Variants in TRIM37 observed in about 807,000 individuals in gnomAD.
The protein encoded by TRIM37 is tripartite motif containing 37, also known as E3 ubiquitin-protein ligase TRIM37.
In TRIM37, 80 loss-of-function variants were observed where a neutral mutation model predicts 129.8. The observed-to-expected ratio is 0.62, with a 90% CI of 0.51 to 0.74. The LOEUF (loss-of-function observed/expected upper bound fraction) is 0.74. TRIM37 is among the 30% of genes least tolerant of loss of function. TRIM37 has a pLI of 0.00. For synonymous variants in TRIM37, 389 were observed against 387.1 expected (o/e 1.00, Z -0.06); for missense variants, 1,054 against 1,176.5 (o/e 0.90, Z 1.52).
intron 4 of TRIM37, chr17:59,088,005 T>C (rs923286502): frequency 5.3e-6 from 3 of 569,618 alleles, no homozygotes; most frequent in Admixed American, 3.2e-5. Context: ...ACAGAAATCA[T>C]GTCTCATTTA....
chr17:58,979,304 A>G (rs1001740900), downstream of TRIM37, among the ~76,000 whole-genome samples: 2 of 152,204 alleles, frequency 1.3e-5, no homozygotes, highest in Middle Eastern at 3.2e-3. Flanking sequence ...AAGCACCACT[A>G]AAAAATAGAA....
chr17:59,012,230 C>CAGCAGCAGCAGCAG (rs11280877), intron 22 of TRIM37, 98 bp downstream of exon 22: 36 of 383,280 alleles, frequency 9.4e-5, no homozygotes, highest in African/African-American at 3.5e-4. Context: ...AGCAGCAGCA[C>CAGCAGCAGCAGCAG]CACCACCACC....
chr17:59,079,740 A>G lies in TRIM37; in HGVS notation c.616+14T>C. On this transcript the variant is annotated intron_variant, in intron 7 of 23. Transcript: ENST00000262294. ...AAAGCACCAGGTACCCCAGCAGCAT[A>G]CATAAACACTTACCCATCAGTGTTA... is the stretch of plus-strand genomic sequence containing the variant. The G allele has an allele frequency of 6.2e-7, 1 of 1,613,814 alleles. No individual in the cohort carries two copies.
the TRIM37 span, among the ~76,000 whole-genome samples, chr17:58,973,400 G>A: frequency 2.1e-5 from 3 of 144,350 alleles, no homozygotes; most frequent in Non-Finnish European, 3.0e-5. Flanking sequence ...CTGGGTGACA[G>A]TGTGAGACTG....
At chr17:58,978,610 C>T (rs1476736051), downstream of TRIM37, among the ~76,000 whole-genome samples, 2 of 152,092 alleles carry the variant, frequency 1.3e-5, no homozygotes, top group East Asian at 1.9e-4. Context: ...ACTCCGGAGG[C>T]GGAGGCAGGA....
chr17:59,084,828 G>T (rs2043611594), intron 4 of TRIM37, among the ~76,000 whole-genome samples: 1 of 152,158 alleles, frequency 6.6e-6, no homozygotes, highest in Admixed American at 6.5e-5. Flanking sequence ...TGTGAGGACA[G>T]AGCTAGGTGG....
At position 59,106,394 on chromosome 17, in the gene TRIM37, C is replaced by G. The variant is rs745598687; in HGVS notation, c.21+47G>C. ...CACGACTCCCCGAATAAAAACCGCT[C>G]ATCGGGTGGGGGCGGGGACTAACCA... On this transcript the variant is annotated intron_variant, in intron 1 of 23. Coordinates refer to ENST00000262294, the MANE Select transcript of TRIM37 (RefSeq NM_015294.6). 1.9e-6 allele frequency: 3 copies of G among 1,613,164 alleles called. No individual in the cohort carries two copies. In the East Asian group the frequency reaches 6.7e-5, roughly 36 times the overall value.
intron 2 of TRIM37, among the ~76,000 whole-genome samples, chr17:59,091,606 T>A (rs1599514784): frequency 1.3e-5 from 1 of 74,236 alleles, no homozygotes; most frequent in East Asian, 2.9e-4. Flanking sequence ...ATTATATATA[T>A]AATATATATA....
intron 2 of TRIM37, among the ~76,000 whole-genome samples, chr17:59,104,038 A>C (rs1055108171): frequency 3.3e-5 from 5 of 152,188 alleles, no homozygotes; most frequent in Non-Finnish European, 1.5e-5. Flanking sequence ...TCTGAGCCCC[A>C]CAGCACTTCT....
chr17:59,013,825 G>A (rs2035584954), intron 21 of TRIM37, among the ~76,000 whole-genome samples: 1 of 151,998 alleles, frequency 6.6e-6, no homozygotes, highest in Non-Finnish European at 1.5e-5. Flanking sequence ...ACTGTGCCCA[G>A]CCTTTCATTA....
chr17:58,968,307 C>G, the TRIM37 span, among the ~76,000 whole-genome samples: 1 of 152,032 alleles, frequency 6.6e-6, no homozygotes, highest in Non-Finnish European at 1.5e-5. Flanking sequence ...TGCCTGTAAT[C>G]CCAGCTACTT....
intron 17 of TRIM37, among the ~76,000 whole-genome samples, chr17:59,034,958 AAC>A (rs1168726514): frequency 4.6e-5 from 7 of 152,234 alleles, no homozygotes; most frequent in African/African-American, 1.7e-4. Flanking sequence ...TAAAAGTAGT[AAC>A]AGAGTATGCT....
rs540315968 is a variant in TRIM37, at chr17:59,104,535, G to A, written c.22-141C>T. 29 of 831,590 alleles carry A rather than the reference G, an allele frequency of 3.5e-5. No homozygotes were observed. In the African/African-American group the frequency reaches 3.5e-4, roughly 10 times the overall value. The allele number at this position is 831,590 out of a possible 1,614,324, so 51.5% of individuals were successfully genotyped here. ...ACTATTCCATATCAGGATTTGGTTG[G>A]TCAAGATACAGAGTACCTCAAAACA... On this transcript the variant is annotated intron_variant, in intron 1 of 23. Transcript: ENST00000262294.
chr17:59,100,787 C>A (rs2045382300), intron 2 of TRIM37, among the ~76,000 whole-genome samples: 2 of 152,146 alleles, frequency 1.3e-5, no homozygotes, highest in Non-Finnish European at 2.9e-5. Context: ...CTTTGGGAGG[C>A]TGAGGTGGGT....
downstream of TRIM37, chr17:58,998,179 A>G: frequency 1.0e-6 from 1 of 983,194 alleles, no homozygotes; most frequent in Non-Finnish European, 1.2e-6. Context: ...TCTGGTCCCA[A>G]TTTAATAAAC....
At chr17:59,056,207 T>C (rs975604771) in intron 13 of TRIM37, among the ~76,000 whole-genome samples, 3 of 147,308 alleles carry the variant, frequency 2.0e-5, no homozygotes, top group East Asian at 2.0e-4. Flanking sequence ...ACCCACCCCC[T>C]TTTTTTTTTC....
chr17:59,090,373 T>C (rs1309019232), intron 3 of TRIM37, among the ~76,000 whole-genome samples: 1 of 152,066 alleles, frequency 6.6e-6, no homozygotes, highest in Non-Finnish European at 1.5e-5. Flanking sequence ...AGAAAAAGCA[T>C]ATGGGAATCA....
At chr17:59,065,199 T>TA (rs1325242877) in intron 9 of TRIM37, among the ~76,000 whole-genome samples, 1 of 152,182 alleles carries the variant, frequency 6.6e-6, no homozygotes, top group African/African-American at 2.4e-5. Context: ...AACTGACGCT[T>TA]AGGGTGTGAA....
intron 2 of TRIM37, among the ~76,000 whole-genome samples, chr17:59,091,545 AATATATTATACATTATATATATAATATAT>A (rs1568230401): frequency 0.083 from 1,185 of 14,342 alleles, 8 homozygotes; most frequent in Middle Eastern, 0.16. Flanking sequence ...AATAATGTAT[AATATATTATACATTATATATATAATATAT>A]ATAATGTATA....
Sources: gnomAD v4.1 joint callset for allele counts (sites outside exome capture counted in the v4.1 genomes callset) on GRCh38, gnomAD v4.1.1 for gene constraint, MANE v1.5 for transcripts, NCBI Gene and HGNC (gene_info 2026-07-23, HGNC 2026-07-21) for gene names.